MSH3: variants seen among roughly 807,000 people sequenced by gnomAD.
MSH3 encodes DNA mismatch repair protein Msh3.
Under a neutral mutation model 123.3 loss-of-function variants are expected in MSH3, and 106 were observed. The observed-to-expected ratio is 0.86, with a 90% CI of 0.73 to 1.01. MSH3 has a LOEUF of 1.01. Among genes scored for constraint, MSH3 ranks in the 50% least tolerant of loss-of-function variants. The probability of loss-of-function intolerance (pLI) is 0.00; values close to 1 mark genes in which losing one functional copy is unlikely to be tolerated. For synonymous variants in MSH3, 515 were observed against 481.4 expected (o/e 1.07, Z -0.91); for missense variants, 1,459 against 1,347.6 (o/e 1.08, Z -1.29).
Position 80,671,286 on chromosome 5 carries a change from A to G in MSH3, c.793-958A>G, listed in dbSNP as rs184219543. Among the ~76,000 whole-genome samples the G allele has an allele frequency of 6.6e-4, 101 of 152,290 alleles. 1 individual carries two copies. The Middle Eastern group carries it at 0.031, about 46-fold the overall frequency. On this transcript the variant is annotated intron_variant, in intron 4 of 23. Coordinates refer to ENST00000265081, the MANE Select transcript of MSH3 (RefSeq NM_002439.5). ...TCATGAATGCTTGTGATGATTCTAT[A>G]GTTTGGGACCTGGTTGGATTGTACA...
chr5:80,863,382 T>C (rs771902663), intron 21 of MSH3, among the ~76,000 whole-genome samples: 23 of 152,062 alleles, frequency 1.5e-4, no homozygotes, highest in Non-Finnish European at 3.1e-4. Flanking sequence ...AAGAAATACA[T>C]TGGTTTGGCC....
At chr5:80,706,118 C>T (rs909714286) in intron 8 of MSH3, among the ~76,000 whole-genome samples, 5 of 152,058 alleles carry the variant, frequency 3.3e-5, no homozygotes, top group Non-Finnish European at 7.3e-5. Flanking sequence ...GCTATGAACT[C>T]CAGAGTTAGT....
At chr5:80,837,576 T>TA (rs34631348) in intron 20 of MSH3, among the ~76,000 whole-genome samples, 69,387 of 151,724 alleles carry the variant, frequency 0.46, 16,620 homozygotes, top group Non-Finnish European at 0.54. Flanking sequence ...AGACCTTGTC[T>TA]AAAAAAATAA....
At chr5:80,722,888 T>G (rs992728248) in intron 8 of MSH3, among the ~76,000 whole-genome samples, 1 of 152,158 alleles carries the variant, frequency 6.6e-6, no homozygotes, top group African/African-American at 2.4e-5. Flanking sequence ...GCAGATCGCT[T>G]GAGTCCAGGA....
chr5:80,680,817 C>T (rs902309198), intron 8 of MSH3, among the ~76,000 whole-genome samples: 1 of 151,888 alleles, frequency 6.6e-6, no homozygotes, highest in Non-Finnish European at 1.5e-5. Flanking sequence ...CAGTAGGTAC[C>T]CTTAAAAACA....
chr5:80,718,495 GTT>G (rs35857348), intron 8 of MSH3, among the ~76,000 whole-genome samples: 2 of 122,206 alleles, frequency 1.6e-5, no homozygotes, highest in Non-Finnish European at 1.7e-5. Context: ...CTCACCTTTG[GTT>G]TTTTTTTTTT....
intron 21 of MSH3, among the ~76,000 whole-genome samples, chr5:80,864,132 A>G (rs1580098046): frequency 6.6e-6 from 1 of 152,174 alleles, no homozygotes; most frequent in East Asian, 1.9e-4. Flanking sequence ...GCAAGTCACA[A>G]TATACAGGGT....
rs959091722 is a variant in MSH3, at chr5:80,690,095, A to T, written c.1340+11002A>T. ...CCTTACAGCTAATTTTTTAAAAAAA[A>T]TTTTGTAGAGATGGGTTCTGGCTAT... On this transcript the variant is annotated intron_variant, in intron 8 of 23. Coordinates refer to ENST00000265081, the MANE Select transcript of MSH3 (RefSeq NM_002439.5). 1.1e-3 allele frequency among the ~76,000 whole-genome samples: 166 copies of T among 152,134 alleles called. 3 individuals are homozygous for T. Among genetic ancestry groups the T allele is most frequent in the Non-Finnish European group, 3.1e-4 (21 of 67,994 alleles).
intron 2 of MSH3, among the ~76,000 whole-genome samples, chr5:80,657,318 G>C (rs1472492466): frequency 6.6e-6 from 1 of 152,188 alleles, no homozygotes; most frequent in African/African-American, 2.4e-5. Flanking sequence ...GTAGTTGCCT[G>C]TAATCCCAGC....
chr5:80,762,147 G>C (rs1303342971), intron 13 of MSH3, among the ~76,000 whole-genome samples: 4 of 152,004 alleles, frequency 2.6e-5, no homozygotes, highest in Non-Finnish European at 2.9e-5. Context: ...GGATTATTTT[G>C]ATTTTTATCA....
chr5:80,752,138 A>G (rs953180075), intron 12 of MSH3, among the ~76,000 whole-genome samples: 1 of 151,930 alleles, frequency 6.6e-6, no homozygotes, highest in Admixed American at 6.6e-5. Flanking sequence ...AGAAACATTT[A>G]TATATATATT....
intron 8 of MSH3, among the ~76,000 whole-genome samples, chr5:80,711,841 A>T (rs1750864991): frequency 6.6e-6 from 1 of 151,740 alleles, no homozygotes; most frequent in African/African-American, 2.4e-5. Context: ...TTTAGTAGAG[A>T]CAGGGTTTCA....
At chr5:80,808,865 A>ATATATATATCTATATATATATC (rs1441994386) in intron 19 of MSH3, among the ~76,000 whole-genome samples, 3 of 122,138 alleles carry the variant, frequency 2.5e-5, no homozygotes, top group Non-Finnish European at 4.9e-5. Flanking sequence ...CTTCATATAT[A>ATATATATATCTATATATATATC]TATATATATA....
intron 8 of MSH3, among the ~76,000 whole-genome samples, chr5:80,696,816 A>T (rs1750493181): frequency 6.6e-6 from 1 of 152,204 alleles, no homozygotes; most frequent in Admixed American, 6.5e-5. Flanking sequence ...ATTATAATAA[A>T]ATTTGGACTT....
chr5:80,671,059 G>C (rs1749713927), intron 4 of MSH3, among the ~76,000 whole-genome samples: 1 of 151,742 alleles, frequency 6.6e-6, no homozygotes, highest in African/African-American at 2.4e-5. Context: ...GGAGATGGAG[G>C]TTGCAGTGAG....
At chr5:80,819,610 C>CT (rs1561488653) in intron 20 of MSH3, among the ~76,000 whole-genome samples, 1 of 151,832 alleles carries the variant, frequency 6.6e-6, no homozygotes, top group East Asian at 1.9e-4. Flanking sequence ...CCTCAGCCTC[C>CT]TGAGTAGCTG....
intron 21 of MSH3, among the ~76,000 whole-genome samples, chr5:80,860,475 A>G (rs1457885801): frequency 6.9e-6 from 1 of 145,926 alleles, no homozygotes; most frequent in Non-Finnish European, 1.5e-5. Flanking sequence ...AAAACTTTAG[A>G]TATTTTACTC....
intron 2 of MSH3, among the ~76,000 whole-genome samples, chr5:80,661,909 C>T (rs1402103858): frequency 6.6e-6 from 1 of 150,850 alleles, no homozygotes; most frequent in African/African-American, 2.4e-5. Flanking sequence ...CAACTTTAGT[C>T]ACATTCTACG....
intron 8 of MSH3, among the ~76,000 whole-genome samples, chr5:80,680,377 A>G (rs1255497856): frequency 2.0e-5 from 3 of 151,966 alleles, no homozygotes; most frequent in Non-Finnish European, 4.4e-5. Flanking sequence ...AGCTTTCATA[A>G]TTTGTTTTTC....
Sources: allele counts gnomAD v4.1 joint callset (sites outside exome capture counted in the v4.1 genomes callset), GRCh38; gene constraint gnomAD v4.1.1; transcripts MANE v1.5; gene names NCBI Gene and HGNC (gene_info 2026-07-23, HGNC 2026-07-21).